BCKDHB: variants seen among roughly 807,000 people sequenced by gnomAD.
The protein encoded by BCKDHB is branched chain keto acid dehydrogenase E1 subunit beta, also known as 2-oxoisovalerate dehydrogenase subunit beta, mitochondrial.
Under a neutral mutation model 48.5 loss-of-function variants are expected in BCKDHB, and 41 were observed. The ratio of observed to expected loss-of-function variants is 0.85; its 90% CI spans 0.66 to 1.10. The LOEUF is 1.10. Ranked by LOEUF, BCKDHB falls within the 50% of genes least tolerant of loss-of-function variation. The pLI is 0.00. For missense variants in BCKDHB, 496 were observed against 494.2 expected (o/e 1.00, Z -0.03); for synonymous variants, 201 against 174.8 (o/e 1.15, Z -1.18).
intron 6 of BCKDHB, among the ~76,000 whole-genome samples, chr6:80,198,534 A>G (rs1774238224): frequency 6.6e-6 from 1 of 152,304 alleles, no homozygotes; most frequent in Admixed American, 6.5e-5. Context: ...GAAATCTACA[A>G]AAAAACAAGG....
intron 9 of BCKDHB, among the ~76,000 whole-genome samples, chr6:80,308,170 C>A (rs1188544113): frequency 6.6e-6 from 1 of 151,782 alleles, no homozygotes; most frequent in East Asian, 1.9e-4. Flanking sequence ...CCTATGTATA[C>A]AAGTGTTTAT....
chr6:80,295,215 T>C (rs1436425974), intron 9 of BCKDHB, among the ~76,000 whole-genome samples: 1 of 152,232 alleles, frequency 6.6e-6, no homozygotes, highest in Non-Finnish European at 1.5e-5. Context: ...ATCAATTTAC[T>C]GTATTAGTGT....
intron 8 of BCKDHB, among the ~76,000 whole-genome samples, chr6:80,269,182 A>G (rs1210281877): frequency 6.6e-6 from 1 of 152,094 alleles, no homozygotes; most frequent in Non-Finnish European, 1.5e-5. Context: ...GAAAATGGGT[A>G]ATGGGGAAAA....
intron 9 of BCKDHB, among the ~76,000 whole-genome samples, chr6:80,302,313 A>T (rs1767626283): frequency 6.6e-6 from 1 of 152,226 alleles, no homozygotes; most frequent in Non-Finnish European, 1.5e-5. Context: ...TTCAGGATAC[A>T]AAATCAATGT....
chr6:80,343,875 C>T lies in BCKDHB; in HGVS notation c.*71C>T. ...GACATTAACGTACTGTTAACCAAGA[C>T]ACAGCAATCATCAGTGTTTTGATGG... On this transcript the variant is annotated 3_prime_UTR_variant, in exon 10 of 10. Coordinates refer to ENST00000320393, the MANE Select transcript of BCKDHB (RefSeq NM_183050.4). The T allele has an allele frequency of 1.3e-6, 2 of 1,552,518 alleles. No individual in the cohort carries two copies. Among genetic ancestry groups the T allele is most frequent in the South Asian group, 2.2e-5 (2 of 89,668 alleles).
At chr6:80,182,560 C>A (rs553203258) in intron 6 of BCKDHB, among the ~76,000 whole-genome samples, 1 of 152,122 alleles carries the variant, frequency 6.6e-6, no homozygotes, top group African/African-American at 2.4e-5. Context: ...GTTCCAGCAT[C>A]ACAGAACTAT....
At chr6:80,425,283 A>T in the BCKDHB span, among the ~76,000 whole-genome samples, 1 of 152,210 alleles carries the variant, frequency 6.6e-6, no homozygotes, top group African/African-American at 2.4e-5. Context: ...ACTGGAATTC[A>T]AGACTAAAAT....
intron 9 of BCKDHB, among the ~76,000 whole-genome samples, chr6:80,331,002 T>G (rs1769296035): frequency 6.6e-6 from 1 of 152,186 alleles, no homozygotes; most frequent in Admixed American, 6.5e-5. Context: ...AGATAATCGT[T>G]TTGCACAAAA....
rs188611558 is a variant in BCKDHB at position 80,207,468 on chromosome 6, A to G, written c.951+4256A>G. ...ATATTTGGTTAATCCAAAATAAATAAGTATGAAAAATGGATGGGTCAATAG... is the reference window on the plus strand; with the variant it reads ...ATATTTGGTTAATCCAAAATAAATAGGTATGAAAAATGGATGGGTCAATAG... On this transcript the variant is annotated intron_variant, in intron 8 of 9. Transcript: ENST00000320393. Among the ~76,000 whole-genome samples, 168 of 151,986 alleles carry G rather than the reference A, an allele frequency of 1.1e-3. 1 individual carries two copies. The highest frequency in any genetic ancestry group is 1.4e-3 in the Non-Finnish European group (98 of 67,824).
the BCKDHB span, among the ~76,000 whole-genome samples, chr6:80,386,696 G>A: frequency 6.6e-6 from 1 of 152,194 alleles, no homozygotes; most frequent in South Asian, 2.1e-4. Flanking sequence ...CAGAATAGTA[G>A]GACTTGTGTA....
chr6:80,243,536 C>T (rs1776482141), intron 8 of BCKDHB, among the ~76,000 whole-genome samples: 1 of 152,094 alleles, frequency 6.6e-6, no homozygotes. Context: ...AAATATCTCT[C>T]TCTCTATATT....
At chr6:80,425,549 G>T in the BCKDHB span, among the ~76,000 whole-genome samples, 3 of 152,096 alleles carry the variant, frequency 2.0e-5, no homozygotes, top group Non-Finnish European at 4.4e-5. Context: ...AGTATTTAAC[G>T]GAAAGATCTA....
At chr6:80,350,133 C>T (rs983122571), downstream of BCKDHB, among the ~76,000 whole-genome samples, 1 of 151,014 alleles carries the variant, frequency 6.6e-6, no homozygotes, top group South Asian at 2.1e-4. Flanking sequence ...AAAAAAGTAC[C>T]CCACTTAGAA....
chr6:80,238,259 G>A (rs538713155), intron 8 of BCKDHB, among the ~76,000 whole-genome samples: 18 of 152,168 alleles, frequency 1.2e-4, no homozygotes, highest in Admixed American at 2.0e-4. Context: ...CACCACACCC[G>A]GCTAGTTTTT....
intron 6 of BCKDHB, among the ~76,000 whole-genome samples, chr6:80,199,711 A>C (rs1172071915): frequency 7.3e-6 from 1 of 137,870 alleles, no homozygotes; most frequent in East Asian, 2.4e-4. Context: ...CAGAGGTTGC[A>C]GTGAGCTATA....
intron 2 of BCKDHB, 73 bp downstream of exon 2, chr6:80,127,697 T>C: frequency 1.5e-6 from 2 of 1,326,098 alleles, no homozygotes; most frequent in Non-Finnish European, 2.2e-6. Flanking sequence ...AAAATATTTA[T>C]GTGGAGCTCA....
chr6:80,423,294 G>T, the BCKDHB span, among the ~76,000 whole-genome samples: 1 of 152,154 alleles, frequency 6.6e-6, no homozygotes, highest in Non-Finnish European at 1.5e-5. Context: ...GAAACTGTGA[G>T]TCAATTAAAC....
the BCKDHB span, among the ~76,000 whole-genome samples, chr6:80,367,810 T>G: frequency 2.8e-5 from 3 of 107,128 alleles, no homozygotes; most frequent in African/African-American, 1.0e-4. Flanking sequence ...AGACATCATA[T>G]GTGAGTGGGA....
intron 6 of BCKDHB, among the ~76,000 whole-genome samples, chr6:80,193,279 C>G (rs1773982619): frequency 6.6e-6 from 1 of 152,068 alleles, no homozygotes; most frequent in Admixed American, 6.6e-5. Flanking sequence ...GTTAATATTG[C>G]TGTTCATTTA....
Sources: allele counts gnomAD v4.1 joint callset (sites outside exome capture counted in the v4.1 genomes callset), GRCh38; gene constraint gnomAD v4.1.1; transcripts MANE v1.5; gene names NCBI Gene and HGNC (gene_info 2026-07-23, HGNC 2026-07-21).